Variants in BNC2 observed in about 807,000 individuals in gnomAD.
BNC2 encodes the protein basonuclin zinc finger protein 2.
BNC2 carries 20 observed loss-of-function variants against 76.3 expected under a neutral mutation model. The ratio of observed to expected loss-of-function variants is 0.26; its 90% CI spans 0.18 to 0.38. The LOEUF (loss-of-function observed/expected upper bound fraction) is 0.38. Among genes scored for constraint, BNC2 ranks in the 10% least tolerant of loss-of-function variants. The pLI, the probability that BNC2 is intolerant of heterozygous loss-of-function variation, is 1.00. For synonymous variants in BNC2, 582 were observed against 514.8 expected (o/e 1.13, Z -1.77); for missense variants, 1,382 against 1,399.8 (o/e 0.99, Z 0.20).
chr9:16,802,483 ATTGT>A (rs990608597), intron 1 of BNC2, among the ~76,000 whole-genome samples: 1 of 152,198 alleles, frequency 6.6e-6, no homozygotes, highest in African/African-American at 2.4e-5. Context: ...TGATTTCTTG[ATTGT>A]TTGTGACACA....
chr9:16,802,790 G>C (rs112861883), intron 1 of BNC2, among the ~76,000 whole-genome samples: 1 of 152,172 alleles, frequency 6.6e-6, no homozygotes, highest in Non-Finnish European at 1.5e-5. Context: ...ATTCTGCTGG[G>C]ACCAGAGAAT....
chr9:16,777,574 GC>G (rs1826003147), intron 1 of BNC2, among the ~76,000 whole-genome samples: 1 of 151,862 alleles, frequency 6.6e-6, no homozygotes, highest in Non-Finnish European at 1.5e-5. Context: ...GGTGGCGGGT[GC>G]CTGTAGTCCC....
intron 3 of BNC2, chr9:16,685,720 C>A: frequency 1.3e-6 from 1 of 789,570 alleles, no homozygotes; most frequent in Non-Finnish European, 1.9e-6. Context: ...GAGGAAATCC[C>A]AACTGCGGGT....
intron 5 of BNC2, among the ~76,000 whole-genome samples, chr9:16,470,895 G>A (rs1484674299): frequency 2.0e-5 from 3 of 152,248 alleles, no homozygotes; most frequent in Non-Finnish European, 4.4e-5. Flanking sequence ...CCCTGCTAGG[G>A]CACTGCTTCG....
chr9:16,830,545 T>C (rs1020750644), intron 1 of BNC2, among the ~76,000 whole-genome samples: 5 of 152,334 alleles, frequency 3.3e-5, no homozygotes, highest in Non-Finnish European at 5.9e-5. Context: ...ATTTTCTGGA[T>C]TTTTTCGCAT....
intron 4 of BNC2, among the ~76,000 whole-genome samples, chr9:16,557,204 A>T (rs1336126296): frequency 6.6e-6 from 1 of 152,148 alleles, no homozygotes; most frequent in Non-Finnish European, 1.5e-5. Flanking sequence ...GGTATTGTTA[A>T]GATTCATTTT....
chr9:16,499,362 A>G (rs189503753), intron 5 of BNC2, among the ~76,000 whole-genome samples: 1 of 152,148 alleles, frequency 6.6e-6, no homozygotes, highest in Admixed American at 6.5e-5. Context: ...GTATTAATCT[A>G]CTGTTAATTA....
At chr9:16,490,409 C>T (rs1468477554) in intron 5 of BNC2, among the ~76,000 whole-genome samples, 1 of 152,162 alleles carries the variant, frequency 6.6e-6, no homozygotes, top group Non-Finnish European at 1.5e-5. Flanking sequence ...TGGGTCCCTC[C>T]CACAACACGT....
At chr9:16,858,359 C>T (rs1819313679) in intron 1 of BNC2, among the ~76,000 whole-genome samples, 1 of 152,286 alleles carries the variant, frequency 6.6e-6, no homozygotes, top group South Asian at 2.1e-4. Context: ...GAACCAGGAG[C>T]TATCATTTTT....
chr9:16,581,171 G>T (rs907757152), intron 4 of BNC2, among the ~76,000 whole-genome samples: 1 of 152,176 alleles, frequency 6.6e-6, no homozygotes, highest in Non-Finnish European at 1.5e-5. Context: ...TGAATATAGG[G>T]TATTTAAAGA....
chr9:16,858,604 G>C (rs974096748), intron 1 of BNC2, among the ~76,000 whole-genome samples: 5 of 152,122 alleles, frequency 3.3e-5, no homozygotes, highest in Admixed American at 6.5e-5. Flanking sequence ...CAGCACTTTG[G>C]GAGGCCGAGG....
chr9:16,531,006 C>T (rs1817957867), intron 5 of BNC2, among the ~76,000 whole-genome samples: 1 of 152,168 alleles, frequency 6.6e-6, no homozygotes, highest in South Asian at 2.1e-4. Flanking sequence ...CCACCCACCT[C>T]CCATTGGCAC....
intron 1 of BNC2, among the ~76,000 whole-genome samples, chr9:16,865,132 GT>G (rs1281710097): frequency 2.0e-5 from 3 of 151,626 alleles, no homozygotes; most frequent in Non-Finnish European, 2.9e-5. Flanking sequence ...TGTGTAGGTT[GT>G]TACATCTTTG....
At chr9:16,636,459 C>T (rs889021324) in intron 3 of BNC2, among the ~76,000 whole-genome samples, 38 of 152,082 alleles carry the variant, frequency 2.5e-4, no homozygotes, top group African/African-American at 9.2e-4. Flanking sequence ...CAGGCAACCA[C>T]ACCCAGCTAA....
At chr9:16,453,538 T>C (rs1587045069) in intron 5 of BNC2, among the ~76,000 whole-genome samples, 2 of 152,350 alleles carry the variant, frequency 1.3e-5, no homozygotes, top group African/African-American at 2.4e-5. Context: ...ATTATTTTGA[T>C]AGGTGCTCAT....
intron 1 of BNC2, among the ~76,000 whole-genome samples, chr9:16,794,370 T>C (rs1486953928): frequency 1.3e-5 from 2 of 152,158 alleles, no homozygotes; most frequent in Non-Finnish European, 2.9e-5. Flanking sequence ...ACATTAATCT[T>C]GAGATATCTC....
chr9:16,427,968 AG>A (rs1376511527), intron 6 of BNC2, among the ~76,000 whole-genome samples: 2 of 152,140 alleles, frequency 1.3e-5, no homozygotes, highest in Admixed American at 6.5e-5. Flanking sequence ...CAAATACATA[AG>A]TTTTTTTTAA....
intron 5 of BNC2, among the ~76,000 whole-genome samples, chr9:16,513,116 T>C (rs10962469): frequency 2.0e-5 from 3 of 151,820 alleles, no homozygotes; most frequent in African/African-American, 7.3e-5. Flanking sequence ...GGTGACAGAA[T>C]GAGACTCTGT....
chr9:16,802,335 C>T (rs1189338668), intron 1 of BNC2, among the ~76,000 whole-genome samples: 3 of 152,196 alleles, frequency 2.0e-5, no homozygotes. Flanking sequence ...TTTTCCTATT[C>T]CATTTAGCTG....
Sources: gnomAD v4.1 joint callset for allele counts (sites outside exome capture counted in the v4.1 genomes callset) on GRCh38, gnomAD v4.1.1 for gene constraint, MANE v1.5 for transcripts, NCBI Gene and HGNC (gene_info 2026-07-23, HGNC 2026-07-21) for gene names.